The following MFN2 variants were observed in gnomAD, a reference collection of about 807,000 sequenced individuals.
MFN2 encodes the protein mitofusin-2.
A neutral mutation model predicts 87.5 loss-of-function variants in MFN2; 43 were observed. The ratio of observed to expected loss-of-function variants is 0.49; its 90% confidence interval spans 0.38 to 0.63. MFN2 has a LOEUF of 0.63. Among genes scored for constraint, MFN2 ranks in the 30% least tolerant of loss-of-function variants. The pLI, the probability that MFN2 is intolerant of heterozygous loss-of-function variation, is 0.00. For synonymous variants in MFN2, 337 were observed against 359.9 expected (o/e 0.94, Z 0.72); for missense variants, 743 against 972.8 (o/e 0.76, Z 3.14).
At position 12,004,994 on chromosome 1, in the gene MFN2, A is replaced by G; in HGVS notation, c.1495+67A>G. The G allele has an allele frequency of 7.9e-7, 1 of 1,265,810 alleles. No homozygotes were observed. The highest frequency in any genetic ancestry group is 1.1e-6 in the Non-Finnish European group (1 of 884,680). The allele number at this position is 1,265,810 out of a possible 1,614,324, so 78.4% of individuals were successfully genotyped here. A position where few individuals can be genotyped will look rare whatever the true frequency, so the allele number is the denominator to read the frequency against. ...GCCCAAAGATCAGATGCGGAGGCCAAGCTAAAGAAATCAGGACTTTCCTTA... is the reference window on the plus strand; with the variant it reads ...GCCCAAAGATCAGATGCGGAGGCCAGGCTAAAGAAATCAGGACTTTCCTTA... On this transcript the variant is annotated intron_variant, in intron 14 of 18. Coordinates refer to ENST00000235329, the MANE Select transcript of MFN2 (RefSeq NM_014874.4). This position sits in a 1 kb window ranked among gnomAD's most constrained non-coding sequence, Gnocchi z 4.2.
intron 6 of MFN2, among the ~76,000 whole-genome samples, chr1:11,998,151 G>T (rs1304572299): frequency 1.3e-5 from 2 of 151,518 alleles, no homozygotes; most frequent in Admixed American, 6.6e-5. Flanking sequence ...CAAAGTGCTG[G>T]GATTACGGGC....
At chr1:11,992,352 C>T in intron 3 of MFN2, 3 of 642,434 alleles carry the variant, frequency 4.7e-6, no homozygotes, top group Non-Finnish European at 8.3e-6. Context: ...GCTTCAGAAC[C>T]AGGCAGTGTT....
intron 9 of MFN2, 107 bp from the exon 10 acceptor site, chr1:12,001,662 G>A (rs1639179763): frequency 1.4e-5 from 23 of 1,598,356 alleles, no homozygotes; most frequent in Non-Finnish European, 1.9e-5. Context: ...ATGCTGAGAA[G>A]AGCAGAGAGG....
intron 2 of MFN2, among the ~76,000 whole-genome samples, chr1:11,983,604 T>A (rs1203511807): frequency 6.6e-6 from 1 of 152,144 alleles, no homozygotes; most frequent in Non-Finnish European, 1.5e-5. Flanking sequence ...CCCACGTGCC[T>A]GTGGCAAGGT....
chr1:11,983,346 C>T (rs1646020035), intron 2 of MFN2, among the ~76,000 whole-genome samples: 1 of 152,214 alleles, frequency 6.6e-6, no homozygotes. Flanking sequence ...GCTGGGATTA[C>T]AGGCGTGAGC....
Position 12,004,685 on chromosome 1 carries a change from C to A in MFN2, c.1392+72C>A. The A allele has an allele frequency of 6.6e-7, 1 of 1,526,348 alleles. No individual in the cohort carries two copies. Among genetic ancestry groups the A allele is most frequent in the Non-Finnish European group, 9.1e-7 (1 of 1,101,218 alleles). The allele number at this position is 1,526,348 out of a possible 1,614,324, so 94.6% of individuals were successfully genotyped here. A position where few individuals can be genotyped will look rare whatever the true frequency, so the allele number is the denominator to read the frequency against. On this transcript the variant is annotated intron_variant, in intron 13 of 18. Coordinates refer to ENST00000235329, the MANE Select transcript of MFN2 (RefSeq NM_014874.4). The surrounding 1 kb of genome is among the most constrained non-coding windows in gnomAD (Gnocchi z 4.2). ...TGATTCAACCCCTGTTGGTCTGGGT[C>A]AGGGCCCCCCAGCAGTGACAGTAGA...
intron 3 of MFN2, 83 bp downstream of exon 3, chr1:11,989,426 C>G: frequency 1.3e-6 from 2 of 1,484,280 alleles, no homozygotes; most frequent in Non-Finnish European, 1.8e-6. Context: ...GGAGGTATAT[C>G]TCTGCTCCCA....
chr1:11,988,440 C>T (rs934610727), intron 2 of MFN2, among the ~76,000 whole-genome samples: 4 of 145,596 alleles, frequency 2.7e-5, no homozygotes, highest in South Asian at 2.2e-4. Context: ...CGGGGTCCTA[C>T]ATTGCCTAGG....
chr1:12,006,576 C>G lies in MFN2; in HGVS notation c.1755C>G (p.Ser585Arg), dbSNP rs1335576013. ...TCCCTCTGACGCCAGCCAACCCCAG[C>G]ATGCCCCCACTGCCACAGGGCTCGC... is the stretch of plus-strand genomic sequence containing the variant. ...RPIPLTPANP[S>R]MPPLPQGSLT... is the part of the protein sequence containing the mutation. The change falls in exon 16 of 19, where the codon AGC becomes AGG. Residue 585 changes from serine to arginine, a missense_variant. Transcript: ENST00000235329. 3 of 1,614,244 alleles carry G rather than the reference C, an allele frequency of 1.9e-6. No homozygotes were observed. In the Middle Eastern group the frequency reaches 4.9e-4, roughly 266 times the overall value.
intron 1 of MFN2, 91 bp downstream of exon 1, chr1:11,980,575 G>A (rs1295232665): frequency 2.5e-6 from 1 of 397,068 alleles, no homozygotes; most frequent in Non-Finnish European, 4.4e-6. Context: ...CGGGATTCTG[G>A]GGCCACGGGG....
chr1:11,994,988 A>G (rs888750170), intron 4 of MFN2, among the ~76,000 whole-genome samples: 1 of 152,012 alleles, frequency 6.6e-6, no homozygotes, highest in African/African-American at 2.4e-5. Context: ...TCACACCTGT[A>G]ATCTCAGCAC....
intron 18 of MFN2, 40 bp from the exon 19 acceptor site, chr1:12,011,456 C>A: frequency 6.2e-7 from 1 of 1,609,826 alleles, no homozygotes. Context: ...TACTGCCTAT[C>A]ATCAGCTATC....
chr1:12,005,858 G>T lies in MFN2; in HGVS notation c.1643G>T (p.Gly548Val). 1 of 1,614,152 alleles carries T rather than the reference G, an allele frequency of 6.2e-7. No homozygotes were observed. The highest frequency in any genetic ancestry group is 8.5e-7 in the Non-Finnish European group (1 of 1,180,034). The stretch of plus-strand genomic sequence containing the variant: ...GACATTGAGTTCCATTTCTCTCTCG[G>T]ATGGACCATGCTGGTGAATAGGTTC... ...QEDIEFHFSL[G>V]WTMLVNRFLG... Residue 548 changes from glycine (G) to valine (V), a missense_variant, in exon 15 of 19, where the codon GGA becomes GTA. Physicochemically the swap from Gly to Val is moderately radical, Grantham distance 109. Coordinates refer to ENST00000235329, the MANE Select transcript of MFN2 (RefSeq NM_014874.4).
chr1:12,004,431 G>A lies in MFN2; in HGVS notation c.1288-78G>A. On this transcript the variant is annotated intron_variant, in intron 12 of 18. Transcript: ENST00000235329. This position sits in a 1 kb window ranked among gnomAD's most constrained non-coding sequence, Gnocchi z 4.2. ...GTTTGAGAGGAAGGATGTGCCATCT[G>A]CTAGGATCTCTCCTGGTGCTGCAGG... The A allele has an allele frequency of 8.0e-7, 1 of 1,255,952 alleles. No homozygotes were observed. Among genetic ancestry groups the A allele is most frequent in the Admixed American group, 1.7e-5 (1 of 59,588 alleles). The allele number at this position is 1,255,952 out of a possible 1,614,324, so 77.8% of individuals were successfully genotyped here. A position where few individuals can be genotyped will look rare whatever the true frequency, so the allele number is the denominator to read the frequency against.
chr1:11,983,175 C>T (rs532806595), intron 2 of MFN2, among the ~76,000 whole-genome samples: 1 of 152,170 alleles, frequency 6.6e-6, no homozygotes, highest in African/African-American at 2.4e-5. Context: ...CAGGTTCACA[C>T]TATCCTCCTG....
intron 5 of MFN2, among the ~76,000 whole-genome samples, chr1:11,996,553 C>G (rs1638915409): frequency 1.3e-5 from 2 of 152,174 alleles, no homozygotes; most frequent in South Asian, 4.1e-4. Context: ...TCATACAGCT[C>G]TGAGTGGCCA....
rs1389443403 is a variant in MFN2, at chr1:12,003,464, A to G, written c.1161-528A>G. ...TGGATCACCTGAGGTCAGGAGTTCA[A>G]GACCAGCCTGACCAACACGGAGAAA... On this transcript the variant is annotated intron_variant, in intron 11 of 18. Transcript: ENST00000235329. This position sits in a 1 kb window ranked among gnomAD's most constrained non-coding sequence, Gnocchi z 4.1. Among the ~76,000 whole-genome samples, 2 of 152,254 alleles carry G rather than the reference A, an allele frequency of 1.3e-5. No homozygotes were observed. Among genetic ancestry groups the G allele is most frequent in the African/African-American group, 4.8e-5 (2 of 41,468 alleles).
chr1:12,006,365 G>A (rs1639416290), intron 15 of MFN2, among the ~76,000 whole-genome samples, 173 bp from the exon 16 acceptor site: 1 of 152,182 alleles, frequency 6.6e-6, no homozygotes, highest in Non-Finnish European at 1.5e-5. Flanking sequence ...GTCCCGTGGT[G>A]CTCACCTGAG....
chr1:12,011,634 C>T lies in MFN2; in HGVS notation c.*69C>T. On this transcript the variant is annotated 3_prime_UTR_variant, in exon 19 of 19. Coordinates refer to ENST00000235329, the MANE Select transcript of MFN2 (RefSeq NM_014874.4). ...CAGCCCTAAGTGCCATGTGGGCTCC[C>T]CCAGGGGCACGTGTGGCTCCTGCCC... The T allele has an allele frequency of 6.5e-7, 1 of 1,545,156 alleles. No individual in the cohort carries two copies. Among genetic ancestry groups the T allele is most frequent in the Middle Eastern group, 2.2e-4 (1 of 4,516 alleles).
Sources: gnomAD v4.1 joint callset for allele counts (sites outside exome capture counted in the v4.1 genomes callset) on GRCh38, gnomAD v4.1.1 for gene constraint, Gnocchi (gnomAD v3.1) non-coding constraint, MANE v1.5 for transcripts, NCBI Gene and HGNC (gene_info 2026-07-23, HGNC 2026-07-21) for gene names.